The following PRKN variants were observed in gnomAD, a reference collection of about 807,000 sequenced individuals.
The protein encoded by PRKN is parkin RBR E3 ubiquitin protein ligase, also known as E3 ubiquitin-protein ligase parkin.
Under a neutral mutation model 59.5 loss-of-function variants are expected in PRKN, and 56 were observed. That is an observed-to-expected ratio of 0.94 (90% CI 0.76 to 1.18). The LOEUF (loss-of-function observed/expected upper bound fraction) is 1.18. Among genes scored for constraint, PRKN ranks in the 50% most tolerant of loss-of-function variants. The pLI is 0.00. For synonymous variants in PRKN, 250 were observed against 222.1 expected, an observed-to-expected ratio of 1.13 and a Z score of -1.12; for missense variants, 657 against 596.4, an observed-to-expected ratio of 1.10 and a Z score of -1.06.
chr6:161,856,219 G>C (rs374533302), intron 6 of PRKN, among the ~76,000 whole-genome samples: 1 of 152,212 alleles, frequency 6.6e-6, no homozygotes, highest in African/African-American at 2.4e-5. Context: ...AATTAGCCAG[G>C]CATGAGGGCG....
intron 2 of PRKN, among the ~76,000 whole-genome samples, chr6:162,367,966 G>A (rs1475952809): frequency 6.6e-6 from 1 of 152,114 alleles, no homozygotes. Flanking sequence ...TCCCAGTCAC[G>A]GAGGAGTGGC....
chr6:161,526,089 A>G lies in PRKN; in HGVS notation c.1083+22765T>C, dbSNP rs1779005911. On this transcript the variant is annotated intron_variant, in intron 9 of 11. Coordinates refer to ENST00000366898, the MANE Select transcript of PRKN (RefSeq NM_004562.3). The surrounding 1 kb of genome is among the most constrained non-coding windows in gnomAD (Gnocchi z 4.1). ...ACAATTAAATGATCACTCACATATA[A>G]TAGTGGGCTGATAAACCAGCTCTTT... 6.6e-6 allele frequency among the ~76,000 whole-genome samples: 1 copy of G among 152,192 alleles called. No homozygotes were observed. The highest frequency in any genetic ancestry group is 2.4e-5 in the African/African-American group (1 of 41,454).
At chr6:162,549,308 A>G (rs868799616) in intron 1 of PRKN, among the ~76,000 whole-genome samples, 2 of 152,176 alleles carry the variant, frequency 1.3e-5, no homozygotes, top group African/African-American at 4.8e-5. Flanking sequence ...TAAGCCGTCT[A>G]TGGTAATTTG....
At chr6:162,693,438 A>G (rs912081057) in intron 1 of PRKN, among the ~76,000 whole-genome samples, 2 of 152,158 alleles carry the variant, frequency 1.3e-5, no homozygotes, top group African/African-American at 2.4e-5. Context: ...TCCTCTTCAC[A>G]TGGTTTTGGG....
intron 1 of PRKN, among the ~76,000 whole-genome samples, chr6:162,577,154 TATAAA>T (rs1292274124): frequency 6.6e-6 from 1 of 152,034 alleles, no homozygotes; most frequent in African/African-American, 2.4e-5. Context: ...ATCTTCAATC[TATAAA>T]AAGCTCTGAT....
intron 4 of PRKN, among the ~76,000 whole-genome samples, chr6:162,066,490 G>C (rs1262332527): frequency 2.0e-5 from 3 of 152,170 alleles, no homozygotes; most frequent in Non-Finnish European, 4.4e-5. Flanking sequence ...ACAGTGTTAG[G>C]AGGGGGGCCT....
chr6:162,014,391 G>A (rs539956814), intron 5 of PRKN, among the ~76,000 whole-genome samples: 1 of 152,274 alleles, frequency 6.6e-6, no homozygotes, highest in South Asian at 2.1e-4. Context: ...CCCTGGGCAA[G>A]GCCCTCTTCA....
At chr6:162,422,036 A>G (rs2128159696) in intron 2 of PRKN, among the ~76,000 whole-genome samples, 2 of 152,300 alleles carry the variant, frequency 1.3e-5, no homozygotes, top group East Asian at 3.9e-4. Flanking sequence ...TGGGACCCAC[A>G]ATTTGAGCTG....
chr6:162,719,909 A>C lies in PRKN; in HGVS notation c.7+7753T>G, dbSNP rs972080609. On this transcript the variant is annotated intron_variant, in intron 1 of 11. Coordinates refer to ENST00000366898, the MANE Select transcript of PRKN (RefSeq NM_004562.3). ...AGGTAGATGTCAAAAAAAAAAAAAAAAAAAAAAAAACTAAAGGTTGACCTC... is the reference window on the plus strand; with the variant it reads ...AGGTAGATGTCAAAAAAAAAAAAAACAAAAAAAAAACTAAAGGTTGACCTC... 2.4e-4 allele frequency among the ~76,000 whole-genome samples: 35 copies of C among 147,484 alleles called. 1 individual carries two copies. Among genetic ancestry groups the C allele is most frequent in the South Asian group, 1.1e-3 (5 of 4,708 alleles).
chr6:161,758,476 G>T (rs1789046500), intron 7 of PRKN, among the ~76,000 whole-genome samples: 1 of 152,100 alleles, frequency 6.6e-6, no homozygotes, highest in Admixed American at 6.6e-5. Context: ...TACAAAAAGA[G>T]AGTACATACT....
chr6:161,357,962 A>G lies in PRKN; in HGVS notation c.1285+2126T>C, dbSNP rs996653411. On this transcript the variant is annotated intron_variant, in intron 11 of 11. Transcript: ENST00000366898. The surrounding 1 kb of genome is among the most constrained non-coding windows in gnomAD (Gnocchi z 5.5). Reference sequence around the variant, plus strand: ...AGCCACAGTCCATGGCAGAGTCCTAACTCCTGCAACACTGCAGTGCCGGGC... The same window carrying G: ...AGCCACAGTCCATGGCAGAGTCCTAGCTCCTGCAACACTGCAGTGCCGGGC... Among the ~76,000 whole-genome samples the G allele has an allele frequency of 6.6e-6, 1 of 152,112 alleles. No homozygotes were observed.
chr6:161,444,430 A>T lies in PRKN; in HGVS notation c.1084-57553T>A, dbSNP rs1316091688. On this transcript the variant is annotated intron_variant, in intron 9 of 11. Transcript: ENST00000366898. This position sits in a 1 kb window ranked among gnomAD's most constrained non-coding sequence, Gnocchi z 5.6. ...TGTGTGAAGTCCTCAAGGTCATTAG[A>T]TCTCATGAATTTACTCCGGCATTTC... Among the ~76,000 whole-genome samples the T allele has an allele frequency of 6.6e-6, 1 of 152,144 alleles. No homozygotes were observed. The highest frequency in any genetic ancestry group is 1.5e-5 in the Non-Finnish European group (1 of 68,028).
intron 7 of PRKN, among the ~76,000 whole-genome samples, chr6:161,573,002 G>A (rs1462884181): frequency 2.0e-5 from 3 of 152,202 alleles, no homozygotes; most frequent in Non-Finnish European, 4.4e-5. Flanking sequence ...ATCTCTTTGG[G>A]AGCAAGTCAT....
chr6:162,513,500 G>A (rs73037925), intron 1 of PRKN, among the ~76,000 whole-genome samples: 13,581 of 131,572 alleles, frequency 0.1, 660 homozygotes, highest in South Asian at 0.21. Flanking sequence ...AAGAGGGAAA[G>A]AAAGAGAGAA....
intron 6 of PRKN, among the ~76,000 whole-genome samples, chr6:161,878,839 T>C (rs573878938): frequency 6.6e-6 from 1 of 152,302 alleles, no homozygotes; most frequent in African/African-American, 2.4e-5. Context: ...GGTGAAGATA[T>C]GGATGCATTT....
chr6:162,518,427 G>A (rs1009765703), intron 1 of PRKN, among the ~76,000 whole-genome samples: 44 of 152,092 alleles, frequency 2.9e-4, no homozygotes, highest in African/African-American at 8.5e-4. Flanking sequence ...GTGCTGTGGC[G>A]CAATCTCGGC....
chr6:161,490,768 C>T (rs1282280543), intron 9 of PRKN, among the ~76,000 whole-genome samples: 1 of 152,062 alleles, frequency 6.6e-6, no homozygotes, highest in Non-Finnish European at 1.5e-5. Context: ...ATTGTAATCC[C>T]CAGTGTTGAC....
At chr6:161,943,695 C>T (rs1006988375) in intron 6 of PRKN, among the ~76,000 whole-genome samples, 6 of 149,358 alleles carry the variant, frequency 4.0e-5, no homozygotes, top group Non-Finnish European at 8.9e-5. Flanking sequence ...GAGGAAATAC[C>T]CTGAGGGATC....
At chr6:162,144,435 T>G (rs1781919671) in intron 4 of PRKN, among the ~76,000 whole-genome samples, 1 of 152,182 alleles carries the variant, frequency 6.6e-6, no homozygotes. Flanking sequence ...TAAGAAAGAA[T>G]GGAGGCAGAG....
Sources: gnomAD v4.1 joint callset for allele counts (sites outside exome capture counted in the v4.1 genomes callset) on GRCh38, gnomAD v4.1.1 for gene constraint, Gnocchi (gnomAD v3.1) non-coding constraint, MANE v1.5 for transcripts, NCBI Gene and HGNC (gene_info 2026-07-23, HGNC 2026-07-21) for gene names.